Variants in NCAM2 observed in about 807,000 individuals in gnomAD.
NCAM2 encodes the protein N-CAM-2.
NCAM2 carries 30 observed loss-of-function variants against 98.1 expected under a neutral mutation model. The observed-to-expected ratio is 0.31, with a 90% CI of 0.23 to 0.41. The LOEUF (loss-of-function observed/expected upper bound fraction) is 0.41. NCAM2 is among the 10% of genes least tolerant of loss of function. NCAM2 has a pLI of 1.00. For missense variants in NCAM2, 867 were observed against 1,005.8 expected (o/e 0.86, Z 1.87); for synonymous variants, 368 against 342.4 (o/e 1.07, Z -0.83).
intron 1 of NCAM2, among the ~76,000 whole-genome samples, chr21:21,215,357 G>A (rs1249856367): frequency 6.6e-6 from 1 of 152,072 alleles, no homozygotes; most frequent in African/African-American, 2.4e-5. Flanking sequence ...AAAATATAAA[G>A]ATCATTTTTA....
At chr21:21,403,803 CAT>C (rs2145883537) in intron 9 of NCAM2, among the ~76,000 whole-genome samples, 1 of 152,046 alleles carries the variant, frequency 6.6e-6, no homozygotes, top group South Asian at 2.1e-4. Flanking sequence ...AAAACCAAAA[CAT>C]AAATAAAATG....
chr21:21,419,534 T>C (rs2145963045), intron 11 of NCAM2, among the ~76,000 whole-genome samples: 2 of 109,126 alleles, frequency 1.8e-5, no homozygotes, highest in South Asian at 6.8e-4. Flanking sequence ...CAATAGTCCC[T>C]GGAGTGTGAT....
At chr21:21,281,575 G>T (rs2072929693) in intron 2 of NCAM2, among the ~76,000 whole-genome samples, 1 of 151,960 alleles carries the variant, frequency 6.6e-6, no homozygotes, top group South Asian at 2.1e-4. Flanking sequence ...CAGCATCAAA[G>T]TTTAATCAAA....
At chr21:21,537,764 C>T (rs554893714) in intron 17 of NCAM2, 82 bp from the exon 18 acceptor site, 37 of 610,156 alleles carry the variant, frequency 6.1e-5, no homozygotes, top group Non-Finnish European at 9.3e-5. Flanking sequence ...GCATATTTTC[C>T]TTACAAAACA....
intron 1 of NCAM2, among the ~76,000 whole-genome samples, chr21:21,060,715 CA>C (rs1568979428): frequency 6.6e-6 from 1 of 151,968 alleles, no homozygotes; most frequent in Non-Finnish European, 1.5e-5. Flanking sequence ...CACACACAGA[CA>C]TTTACCCACA....
At chr21:21,409,850 C>T (rs1004514717) in intron 9 of NCAM2, among the ~76,000 whole-genome samples, 2 of 152,144 alleles carry the variant, frequency 1.3e-5, no homozygotes, top group Non-Finnish European at 2.9e-5. Context: ...GTGGCTCACG[C>T]CTGTAATTCC....
At chr21:21,034,135 C>T (rs2064750875) in intron 1 of NCAM2, among the ~76,000 whole-genome samples, 1 of 151,914 alleles carries the variant, frequency 6.6e-6, no homozygotes. Context: ...ATCTCCTAGT[C>T]CTGAGAATAG....
At chr21:21,430,157 C>A (rs60719500) in intron 11 of NCAM2, among the ~76,000 whole-genome samples, 31,743 of 151,588 alleles carry the variant, frequency 0.21, 3,521 homozygotes, top group Admixed American at 0.26. Context: ...GCCTCCCAAG[C>A]AGCTGGAATC....
intron 15 of NCAM2, among the ~76,000 whole-genome samples, chr21:21,486,853 G>A (rs1375248618): frequency 6.6e-6 from 1 of 152,090 alleles, no homozygotes; most frequent in East Asian, 1.9e-4. Context: ...TTAAAATTAT[G>A]TTAGCAGAGT....
intron 5 of NCAM2, among the ~76,000 whole-genome samples, chr21:21,316,558 CAG>C (rs1356753411): frequency 9.9e-6 from 1 of 100,810 alleles, no homozygotes; most frequent in African/African-American, 3.8e-5. Context: ...TTTTTTGAGA[CAG>C]AGTCTCACTC....
chr21:21,036,860 CAGAGA>C, intron 1 of NCAM2, among the ~76,000 whole-genome samples: 1 of 152,106 alleles, frequency 6.6e-6, no homozygotes, highest in Non-Finnish European at 1.5e-5. Context: ...TTCCTAGTTC[CAGAGA>C]AGAGAAGGGC....
chr21:21,376,712 A>T (rs2076040268), intron 9 of NCAM2, among the ~76,000 whole-genome samples: 1 of 151,840 alleles, frequency 6.6e-6, no homozygotes, highest in Non-Finnish European at 1.5e-5. Flanking sequence ...CTAACAAAGT[A>T]CAAGTTGCTT....
chr21:21,470,376 A>T (rs1420515158), intron 14 of NCAM2, among the ~76,000 whole-genome samples: 1 of 152,104 alleles, frequency 6.6e-6, no homozygotes, highest in South Asian at 2.1e-4. Context: ...TATGTGTGAA[A>T]CACAGATGGA....
chr21:21,028,974 G>A (rs1283166459), intron 1 of NCAM2, among the ~76,000 whole-genome samples: 1 of 152,114 alleles, frequency 6.6e-6, no homozygotes. Context: ...AATTCAGCAT[G>A]GAAAACTGTT....
At chr21:21,338,314 C>T (rs1054035359) in intron 7 of NCAM2, 75 bp from the exon 8 acceptor site, 30 of 1,351,854 alleles carry the variant, frequency 2.2e-5, no homozygotes, top group Non-Finnish European at 2.8e-5. Context: ...TAGACTTAAA[C>T]ACCCATCATG....
rs778855141 is a variant in NCAM2 at position 21,410,507 on chromosome 21, T to C, written c.1383+46T>C. On this transcript the variant is annotated intron_variant, in intron 10 of 17. Transcript: ENST00000400546. ...CAATAAATTGTATTATTTTAACAAC[T>C]ATCTACTATTTCAGAATATATTTAA... is the stretch of plus-strand genomic sequence containing the variant. 1.0e-5 allele frequency: 11 copies of C among 1,091,586 alleles called. No individual in the cohort carries two copies. The East Asian group carries it at 2.7e-4, about 27-fold the overall frequency. The allele number at this position is 1,091,586 out of a possible 1,614,324, so 67.6% of individuals were successfully genotyped here.
intron 1 of NCAM2, among the ~76,000 whole-genome samples, chr21:21,139,772 T>C (rs2067129427): frequency 1.2e-5 from 1 of 82,322 alleles, no homozygotes; most frequent in Non-Finnish European, 2.4e-5. Flanking sequence ...TGAAAATATT[T>C]TAAACATCAA....
chr21:21,205,709 G>A (rs1210784578), intron 1 of NCAM2, among the ~76,000 whole-genome samples: 1 of 152,060 alleles, frequency 6.6e-6, no homozygotes, highest in Non-Finnish European at 1.5e-5. Flanking sequence ...GCAGCTATAA[G>A]AAAATACCAT....
At chr21:21,083,645 CTT>C (rs1405242280) in intron 1 of NCAM2, among the ~76,000 whole-genome samples, 1 of 152,140 alleles carries the variant, frequency 6.6e-6, no homozygotes, top group East Asian at 1.9e-4. Flanking sequence ...GAACTTCTGG[CTT>C]CAAACAATTT....
Sources: gnomAD v4.1 joint callset for allele counts (sites outside exome capture counted in the v4.1 genomes callset) on GRCh38, gnomAD v4.1.1 for gene constraint, MANE v1.5 for transcripts, NCBI Gene and HGNC (gene_info 2026-07-23, HGNC 2026-07-21) for gene names.